Variants in STX3 observed in about 807,000 individuals in gnomAD.
STX3 encodes the protein syntaxin 3.
STX3 carries 19 observed loss-of-function variants against 40.2 expected under a neutral mutation model. The ratio of observed to expected loss-of-function variants is 0.47; its 90% CI spans 0.33 to 0.69. The LOEUF is 0.69. Among genes scored for constraint, STX3 ranks in the 30% least tolerant of loss-of-function variants. The probability of loss-of-function intolerance (pLI) is 0.02; values close to 1 mark genes in which losing one functional copy is unlikely to be tolerated. For synonymous variants in STX3, 122 were observed against 132.2 expected (o/e 0.92, Z 0.53); for missense variants, 364 against 366.7 (o/e 0.99, Z 0.06).
At chr11:59,760,536 A>C (rs1443143424) in intron 1 of STX3, among the ~76,000 whole-genome samples, 2 of 151,312 alleles carry the variant, frequency 1.3e-5, no homozygotes, top group Non-Finnish European at 2.9e-5. Flanking sequence ...TTTTGTCTTT[A>C]AGGTCAGTGT....
chr11:59,773,423 C>T, intron 2 of STX3, 129 bp downstream of exon 2: 1 of 751,648 alleles, frequency 1.3e-6, no homozygotes, highest in Non-Finnish European at 2.2e-6. Flanking sequence ...GGTGGGATGG[C>T]CAGACAAAGA....
At chr11:59,781,045 G>A (rs1864332998) in intron 2 of STX3, among the ~76,000 whole-genome samples, 1 of 149,758 alleles carries the variant, frequency 6.7e-6, no homozygotes, top group African/African-American at 2.5e-5. Flanking sequence ...TTGGTTGACT[G>A]AGGTGGCCTT....
chr11:59,790,736 G>A, intron 5 of STX3, 150 bp downstream of exon 5: 1 of 649,038 alleles, frequency 1.5e-6, no homozygotes, highest in Non-Finnish European at 2.7e-6. Context: ...TTGAAATAGG[G>A]GTCAGGGCCA....
intron 9 of STX3, among the ~76,000 whole-genome samples, chr11:59,796,303 C>T (rs1326666512): frequency 6.6e-6 from 1 of 152,190 alleles, no homozygotes; most frequent in Non-Finnish European, 1.5e-5. Context: ...ACTGTATTTG[C>T]CCACCCTCTG....
Position 59,773,153 on chromosome 11 carries a change from A to G in STX3, c.31-58A>G, listed in dbSNP as rs576339841. On this transcript the variant is annotated intron_variant, in intron 1 of 10. Transcript: ENST00000337979. ...GTTCCTAGTACTTCGTGAGCATTCA[A>G]TAATTTAGCCATTTATTGTGTTTTT... is the stretch of plus-strand genomic sequence containing the variant. 395 of 1,542,642 alleles carry G rather than the reference A, an allele frequency of 2.6e-4. 2 individuals carry two copies. The South Asian group carries it at 4.1e-3, about 16-fold the overall frequency.
At chr11:59,756,325 A>G (rs1354952026) in intron 1 of STX3, among the ~76,000 whole-genome samples, 2 of 152,224 alleles carry the variant, frequency 1.3e-5, no homozygotes, top group Non-Finnish European at 2.9e-5. Flanking sequence ...ATCATACCCT[A>G]GGAATTTGTT....
In STX3 at chr11:59,790,552, G is replaced by T; in HGVS notation, c.323G>T (p.Arg108Met). 6.2e-7 allele frequency: 1 copy of T among 1,614,116 alleles called. No individual in the cohort carries two copies. Among genetic ancestry groups the T allele is most frequent in the Non-Finnish European group, 8.5e-7 (1 of 1,179,986 alleles). The change falls in exon 5 of 11, where the codon AGG becomes ATG. Residue 108 changes from arginine (R) to methionine (M), a missense_variant. Physicochemically the swap from Arg to Met is moderately conservative, Grantham distance 91. Transcript: ENST00000337979. ...MEKHIEEDEV[R>M]SSADLRIRKS... ...AAGCATATTGAAGAAGATGAGGTCA[G>T]GTCATCGGCAGACCTTCGGATTCGG...
chr11:59,783,181 T>C (rs1864524273), intron 2 of STX3, among the ~76,000 whole-genome samples: 1 of 152,058 alleles, frequency 6.6e-6, no homozygotes, highest in Non-Finnish European at 1.5e-5. Context: ...GACAGAGAAA[T>C]AAGGATGATC....
At chr11:59,780,407 TC>T (rs1450368259) in intron 2 of STX3, among the ~76,000 whole-genome samples, 1 of 152,144 alleles carries the variant, frequency 6.6e-6, no homozygotes, top group East Asian at 1.9e-4. Context: ...CCAGTGGACT[TC>T]CTAGCCTCCA....
At chr11:59,784,951 G>A (rs566070632) in intron 2 of STX3, among the ~76,000 whole-genome samples, 3 of 152,164 alleles carry the variant, frequency 2.0e-5, no homozygotes, top group Non-Finnish European at 4.4e-5. Context: ...TCAATCTAAT[G>A]GAAAAAAGCT....
intron 9 of STX3, among the ~76,000 whole-genome samples, chr11:59,796,682 T>C (rs1463335977): frequency 1.3e-5 from 2 of 152,210 alleles, no homozygotes; most frequent in Non-Finnish European, 2.9e-5. Context: ...GGCCAACTGC[T>C]CCTTAGAGAC....
rs569597553 is a variant in STX3, at chr11:59,772,623, C to T, written c.31-588C>T. Among the ~76,000 whole-genome samples, 18 of 152,252 alleles carry T rather than the reference C, an allele frequency of 1.2e-4. No individual in the cohort carries two copies. In the South Asian group the frequency reaches 3.3e-3, roughly 28 times the overall value. ...TTGAACAGCATGGAGAAGGGTTTAG[C>T]GACCCTGGGGTTCAGATCCAAAAGA... is the stretch of plus-strand genomic sequence containing the variant. On this transcript the variant is annotated intron_variant, in intron 1 of 10. Coordinates refer to ENST00000337979, the MANE Select transcript of STX3 (RefSeq NM_004177.5).
At chr11:59,794,341 C>A (rs1218185446) in intron 8 of STX3, among the ~76,000 whole-genome samples, 1 of 152,214 alleles carries the variant, frequency 6.6e-6, no homozygotes, top group Non-Finnish European at 1.5e-5. Context: ...GCCACAGGGT[C>A]ATGGTGCTGT....
chr11:59,774,984 G>A (rs886790801), intron 2 of STX3, among the ~76,000 whole-genome samples: 2 of 152,128 alleles, frequency 1.3e-5, no homozygotes, highest in African/African-American at 4.8e-5. Context: ...TGGTTTCTTA[G>A]GTTTTTAATT....
Position 59,802,228 on chromosome 11 carries a change from A to G in STX3, c.*1404A>G. The G allele has an allele frequency of 1.0e-6, 1 of 985,450 alleles. No homozygotes were observed. Among genetic ancestry groups the G allele is most frequent in the Non-Finnish European group, 1.2e-6 (1 of 829,968 alleles). 61.0% of individuals were successfully genotyped at this position (985,450 alleles called of 1,614,324 possible). A position where few individuals can be genotyped will look rare whatever the true frequency, so the allele number is the denominator to read the frequency against. ...AGGTTCTTTGTCTCACTGAATTCTTATCATGGAAACAGCAGCAGCAGCCGC... is the reference window on the plus strand; with the variant it reads ...AGGTTCTTTGTCTCACTGAATTCTTGTCATGGAAACAGCAGCAGCAGCCGC... On this transcript the variant is annotated 3_prime_UTR_variant, in exon 11 of 11. Transcript: ENST00000337979.
chr11:59,771,744 G>A lies in STX3; in HGVS notation c.31-1467G>A, dbSNP rs114676041. Among the ~76,000 whole-genome samples, 995 of 152,148 alleles carry A rather than the reference G, an allele frequency of 6.5e-3. 16 individuals carry two copies. The highest frequency in any genetic ancestry group is 0.023 in the African/African-American group (962 of 41,472). ...TGTGCATCATAGAAGGAGAAGTATG[G>A]GTGGAGCTGGATCTTAAAGGGCCCC... On this transcript the variant is annotated intron_variant, in intron 1 of 10. Transcript: ENST00000337979.
Position 59,803,250 on chromosome 11 carries a change from C to T in STX3, c.*2426C>T. 8.1e-7 allele frequency: 1 copy of T among 1,231,662 alleles called. No homozygotes were observed. The highest frequency in any genetic ancestry group is 1.0e-6 in the Non-Finnish European group (1 of 987,956). The allele number at this position is 1,231,662 out of a possible 1,614,324, so 76.3% of individuals were successfully genotyped here. On this transcript the variant is annotated 3_prime_UTR_variant, in exon 11 of 11. Coordinates refer to ENST00000337979, the MANE Select transcript of STX3 (RefSeq NM_004177.5). ...TCATGATCATGATCTGCTGTATTAT[C>T]CTTGCGATCATCTTAGCTTCCACCA...
chr11:59,789,221 G>T, intron 4 of STX3: 2 of 284,772 alleles, frequency 7.0e-6, no homozygotes, highest in Non-Finnish European at 1.3e-5. Flanking sequence ...TTTGTGACTT[G>T]GTCCTTTAAC....
chr11:59,792,851 A>G (rs960737590), intron 6 of STX3, among the ~76,000 whole-genome samples: 2 of 152,158 alleles, frequency 1.3e-5, no homozygotes, highest in Non-Finnish European at 2.9e-5. Context: ...AGTGTAGTGA[A>G]TGGGGCAAGG....
Sources: allele counts gnomAD v4.1 joint callset (sites outside exome capture counted in the v4.1 genomes callset), GRCh38; gene constraint gnomAD v4.1.1; transcripts MANE v1.5; gene names NCBI Gene and HGNC (gene_info 2026-07-23, HGNC 2026-07-21).